Variants in LAMA2 observed in about 807,000 individuals in gnomAD.
The protein encoded by LAMA2 is laminin subunit alpha 2.
A neutral mutation model predicts 364.8 loss-of-function variants in LAMA2; 269 were observed. The ratio of observed to expected loss-of-function variants is 0.74; its 90% CI spans 0.67 to 0.82. LAMA2 has a LOEUF of 0.82. LAMA2 is among the 40% of genes least tolerant of loss of function. The probability of loss-of-function intolerance (pLI) is 0.00; values close to 1 mark genes in which losing one functional copy is unlikely to be tolerated. For synonymous variants in LAMA2, 1,379 were observed against 1,370.6 expected, an observed-to-expected ratio of 1.01 and a Z score of -0.14; for missense variants, 3,807 against 3,873.2, an observed-to-expected ratio of 0.98 and a Z score of 0.45.
intron 48 of LAMA2, among the ~76,000 whole-genome samples, chr6:129,459,367 C>T (rs1019921403): frequency 4.6e-5 from 7 of 152,048 alleles, no homozygotes; most frequent in African/African-American, 1.4e-4. Context: ...CAATTTACAA[C>T]AAACTTCTCT....
chr6:129,315,716 A>G (rs1774555296), intron 25 of LAMA2, 46 bp from the exon 26 acceptor site: 3 of 1,611,534 alleles, frequency 1.9e-6, no homozygotes, highest in African/African-American at 2.7e-5. Context: ...GAATCACACC[A>G]TTTGGAGATT....
chr6:129,325,068 C>T (rs769801344), intron 28 of LAMA2, among the ~76,000 whole-genome samples: 20 of 152,288 alleles, frequency 1.3e-4, no homozygotes, highest in South Asian at 1.2e-3. Flanking sequence ...AAGAAAGGAG[C>T]GCAGTGTGCA....
At chr6:129,274,997 C>T (rs1301282751) in intron 17 of LAMA2, among the ~76,000 whole-genome samples, 3 of 151,788 alleles carry the variant, frequency 2.0e-5, no homozygotes, top group Non-Finnish European at 4.4e-5. Context: ...GAGATAGGAC[C>T]TCAATAAGTT....
intron 12 of LAMA2, among the ~76,000 whole-genome samples, chr6:129,231,459 A>G (rs149590883): frequency 8.1e-4 from 123 of 152,282 alleles, no homozygotes; most frequent in African/African-American, 2.7e-3. Flanking sequence ...CCACAGTGCC[A>G]TGAAGTATGA....
In LAMA2 at chr6:129,314,398, C is replaced by CAAAAAAAAAAAAAAAAAA. The variant is rs3062342; in HGVS notation, c.3412-253_3412-236dup. Among the ~76,000 whole-genome samples the CAAAAAAAAAAAAAAAAAA allele has an allele frequency of 2.8e-4, 23 of 81,860 alleles. 3 individuals carry two copies. The highest frequency in any genetic ancestry group is 1.1e-3 in the African/African-American group (20 of 18,188). The allele number at this position is 81,860 out of a possible 152,430, so 53.7% of individuals were successfully genotyped here. On this transcript the variant is annotated intron_variant, in intron 23 of 64. Transcript: ENST00000421865. The stretch of plus-strand genomic sequence containing the variant: ...TGGGCGAAAGAGCGAGACTCCGTCT[C>CAAAAAAAAAAAAAAAAAA]AAAAAAAAAAAAAAAAAAAAAGTAC...
intron 35 of LAMA2, among the ~76,000 whole-genome samples, chr6:129,387,411 G>T (rs1440373654): frequency 1.3e-5 from 2 of 152,208 alleles, no homozygotes; most frequent in Non-Finnish European, 2.9e-5. Context: ...AACAATAGAT[G>T]CTGGCAAGGC....
At chr6:129,212,866 A>G (rs1356104190) in intron 12 of LAMA2, among the ~76,000 whole-genome samples, 1 of 152,224 alleles carries the variant, frequency 6.6e-6, no homozygotes, top group Non-Finnish European at 1.5e-5. Context: ...GGATTCCAAA[A>G]TATTCTCTGC....
At chr6:128,972,642 C>G (rs1476014686) in intron 1 of LAMA2, among the ~76,000 whole-genome samples, 61 of 151,974 alleles carry the variant, frequency 4.0e-4, no homozygotes, top group Admixed American at 4.0e-3. Context: ...CAGGTACTTT[C>G]ATCTGTATGA....
At chr6:129,150,633 A>C (rs1203850355) in intron 7 of LAMA2, among the ~76,000 whole-genome samples, 2 of 152,242 alleles carry the variant, frequency 1.3e-5, no homozygotes, top group Non-Finnish European at 2.9e-5. Context: ...ACACATTTTT[A>C]AAATAGTGGA....
At chr6:129,240,479 A>T (rs1785324526) in intron 12 of LAMA2, among the ~76,000 whole-genome samples, 1 of 152,184 alleles carries the variant, frequency 6.6e-6, no homozygotes, top group African/African-American at 2.4e-5. Flanking sequence ...GAAAACAATC[A>T]TGCTTTTCCT....
chr6:128,911,372 A>C (rs1777933523), intron 1 of LAMA2, among the ~76,000 whole-genome samples: 1 of 152,276 alleles, frequency 6.6e-6, no homozygotes, highest in African/African-American at 2.4e-5. Context: ...GGAAAGGCGC[A>C]GTATTCGGGT....
chr6:129,417,288 A>G (rs1371924129), intron 40 of LAMA2, among the ~76,000 whole-genome samples: 2 of 152,096 alleles, frequency 1.3e-5, no homozygotes, highest in African/African-American at 2.4e-5. Flanking sequence ...GAGGCCTGAA[A>G]TGGGTAGCTC....
intron 3 of LAMA2, among the ~76,000 whole-genome samples, chr6:129,088,834 G>A (rs1194152072): frequency 6.6e-6 from 1 of 151,594 alleles, no homozygotes; most frequent in Admixed American, 6.6e-5. Flanking sequence ...CCCAGACTGG[G>A]TAGCCAGGCA....
rs558969737 is a variant in LAMA2 at position 128,993,319 on chromosome 6, C to T, written c.113-56599C>T. Among the ~76,000 whole-genome samples the T allele has an allele frequency of 9.8e-5, 15 of 152,292 alleles. No homozygotes were observed. The South Asian group carries it at 1.7e-3, about 17-fold the overall frequency. ...TGACTTAACAATGAGTGAACAGTTG[C>T]GTCTCACAAATTTCAGCAGCGTTGT... On this transcript the variant is annotated intron_variant, in intron 1 of 64. Transcript: ENST00000421865.
At chr6:129,292,725 A>C (rs1246211355) in intron 20 of LAMA2, 3 of 869,498 alleles carry the variant, frequency 3.5e-6, no homozygotes, top group Admixed American at 6.2e-5. Context: ...AAGTTTGAAA[A>C]TATCATCTGC....
chr6:129,045,229 T>C (rs959482306), intron 1 of LAMA2, among the ~76,000 whole-genome samples: 1 of 152,194 alleles, frequency 6.6e-6, no homozygotes, highest in African/African-American at 2.4e-5. Context: ...AATCAGTAAC[T>C]GTAATAGAAA....
At chr6:129,018,234 TA>T (rs1000290835) in intron 1 of LAMA2, among the ~76,000 whole-genome samples, 2 of 152,018 alleles carry the variant, frequency 1.3e-5, no homozygotes, top group African/African-American at 4.8e-5. Context: ...AAAAAGACAT[TA>T]AAAAGACTTT....
At chr6:129,073,577 A>G (rs1773450938) in intron 3 of LAMA2, among the ~76,000 whole-genome samples, 1 of 151,786 alleles carries the variant, frequency 6.6e-6, no homozygotes, top group South Asian at 2.1e-4. Flanking sequence ...TCTTCTTTTG[A>G]GGTTTCTCAG....
At chr6:129,265,713 C>T (rs762408081) in intron 15 of LAMA2, among the ~76,000 whole-genome samples, 16 of 120,862 alleles carry the variant, frequency 1.3e-4, no homozygotes, top group Admixed American at 3.7e-4. Flanking sequence ...TGGGGCCTGT[C>T]GGAGGGTGGG....
Sources: gnomAD v4.1 joint callset for allele counts (sites outside exome capture counted in the v4.1 genomes callset) on GRCh38, gnomAD v4.1.1 for gene constraint, MANE v1.5 for transcripts, NCBI Gene and HGNC (gene_info 2026-07-23, HGNC 2026-07-21) for gene names.